WDR4: variants seen among roughly 807,000 people sequenced by gnomAD.
WDR4 encodes tRNA (guanine-N(7)-)-methyltransferase non-catalytic subunit WDR4.
A neutral mutation model predicts 48.6 loss-of-function variants in WDR4; 47 were observed. The observed-to-expected ratio is 0.97, with a 90% confidence interval of 0.77 to 1.23. WDR4 has a LOEUF of 1.23. Among genes scored for constraint, WDR4 ranks in the 50% most tolerant of loss-of-function variants. The probability of loss-of-function intolerance (pLI) is 0.00; values close to 1 mark genes in which losing one functional copy is unlikely to be tolerated. For missense variants in WDR4, 606 were observed against 551.6 expected, an observed-to-expected ratio of 1.10 and a Z score of -0.99; for synonymous variants, 268 against 230.0, an observed-to-expected ratio of 1.17 and a Z score of -1.49.
At chr21:42,852,613 G>A (rs532612489) in intron 9 of WDR4, among the ~76,000 whole-genome samples, 2 of 152,356 alleles carry the variant, frequency 1.3e-5, no homozygotes, top group Admixed American at 1.3e-4. Context: ...AAAAGAACTG[G>A]ATGGCTTAAA....
intron 10 of WDR4, among the ~76,000 whole-genome samples, chr21:42,851,334 C>T (rs2057822192): frequency 6.6e-6 from 1 of 152,210 alleles, no homozygotes; most frequent in Non-Finnish European, 1.5e-5. Context: ...CAACCCTCAA[C>T]ATCCTAAGCA....
intron 10 of WDR4, 125 bp from the exon 11 acceptor site, chr21:42,850,367 G>T: frequency 1.1e-6 from 1 of 872,682 alleles, no homozygotes; most frequent in Non-Finnish European, 1.7e-6. Context: ...ACCGTGGGGG[G>T]CGCCTTCTGG....
chr21:42,854,473 T>C (rs1005382196), intron 8 of WDR4, 89 bp downstream of exon 8: 15 of 1,352,806 alleles, frequency 1.1e-5, no homozygotes, highest in East Asian at 2.4e-5. Flanking sequence ...GACCTCTTCA[T>C]TGAGGACGTG....
chr21:42,855,857 G>A (rs1038620670), intron 6 of WDR4, 77 bp from the exon 7 acceptor site: 67 of 1,242,194 alleles, frequency 5.4e-5, no homozygotes, highest in South Asian at 1.6e-4. Flanking sequence ...GGACAGCTGC[G>A]TGTGGTCGGG....
chr21:42,846,416 G>C (rs536203433), downstream of WDR4, among the ~76,000 whole-genome samples: 25 of 152,328 alleles, frequency 1.6e-4, no homozygotes, highest in Middle Eastern at 3.4e-3. Flanking sequence ...AGGGAACATG[G>C]GCGTGGGGGC....
intron 3 of WDR4, among the ~76,000 whole-genome samples, chr21:42,872,968 CAGA>C (rs1384760858): frequency 2.0e-5 from 3 of 152,254 alleles, no homozygotes; most frequent in South Asian, 4.1e-4. Context: ...ATAGGGAAGG[CAGA>C]AGAACCTTTC....
chr21:42,856,157 G>A (rs536599929), intron 6 of WDR4, among the ~76,000 whole-genome samples: 59 of 152,306 alleles, frequency 3.9e-4, no homozygotes, highest in African/African-American at 1.3e-3. Context: ...ACAGGTCTGC[G>A]CAGACACTTC....
intron 3 of WDR4, among the ~76,000 whole-genome samples, chr21:42,864,704 C>G (rs1387652519): frequency 6.6e-6 from 1 of 152,192 alleles, no homozygotes; most frequent in Non-Finnish European, 1.5e-5. Context: ...AGTCACAGTT[C>G]GCTCCCTCTC....
intron 11 of WDR4, chr21:42,843,361 T>A (rs1369633702): frequency 6.6e-6 from 1 of 151,982 alleles, no homozygotes; most frequent in Non-Finnish European, 1.5e-5. Context: ...GGGTATTTTT[T>A]AAAGCATGAT....
rs201102595 is a variant in WDR4, at chr21:42,855,799, C to G, written c.628-19G>C. 345 of 1,529,756 alleles carry G rather than the reference C, an allele frequency of 2.3e-4. No homozygotes were observed. Among genetic ancestry groups the G allele is most frequent in the Non-Finnish European group, 3.0e-4 (338 of 1,131,790 alleles). 94.8% of individuals were successfully genotyped at this position (1,529,756 alleles called of 1,614,324 possible). On this transcript the variant is annotated intron_variant, in intron 6 of 10. Transcript: ENST00000398208. ...TGCCGTCCTGCACAAACCAAACACACAGGTTAGCACATGGTTGTGGGGCTT... is the reference window on the plus strand; with the variant it reads ...TGCCGTCCTGCACAAACCAAACACAGAGGTTAGCACATGGTTGTGGGGCTT...
At chr21:42,890,013 T>C in the WDR4 span, among the ~76,000 whole-genome samples, 1 of 150,708 alleles carries the variant, frequency 6.6e-6, no homozygotes, top group Non-Finnish European at 1.5e-5. Flanking sequence ...GCCCTGGAGT[T>C]TGAAACTGTA....
rs1426730073 is a variant in WDR4, at chr21:42,862,874, CA to C, written c.454-481del. On this transcript the variant is annotated intron_variant, in intron 4 of 10. Coordinates refer to ENST00000398208, the MANE Select transcript of WDR4 (RefSeq NM_018669.6). This position sits in a 1 kb window ranked among gnomAD's most constrained non-coding sequence, Gnocchi z 4.3. ...GACTGTCCCTGTGTGCGTCCAATCC[CA>C]GCTCCACCACCCGGGCTGTGGGCCT... Among the ~76,000 whole-genome samples, 1 of 152,220 alleles carries C rather than the reference CA, an allele frequency of 6.6e-6. No homozygotes were observed. The highest frequency in any genetic ancestry group is 2.4e-5 in the African/African-American group (1 of 41,446).
upstream of WDR4, chr21:42,883,471 T>A (rs1601200801): frequency 1.3e-5 from 2 of 153,596 alleles, no homozygotes; most frequent in South Asian, 2.1e-4. Flanking sequence ...AAAATGTATG[T>A]CCACCCCTGG....
chr21:42,853,830 G>A, intron 8 of WDR4, 78 bp from the exon 9 acceptor site: 1 of 1,448,884 alleles, frequency 6.9e-7, no homozygotes, highest in Non-Finnish European at 9.3e-7. Flanking sequence ...ACCCCAGACG[G>A]TGCAGCCCTC....
intron 6 of WDR4, among the ~76,000 whole-genome samples, chr21:42,856,190 G>A (rs1293393388): frequency 6.6e-6 from 1 of 152,140 alleles, no homozygotes; most frequent in Admixed American, 6.5e-5. Flanking sequence ...TTCCCACGGG[G>A]AGACACGTGT....
intron 5 of WDR4, among the ~76,000 whole-genome samples, chr21:42,860,084 C>T (rs1211737693): frequency 1.3e-5 from 2 of 152,188 alleles, no homozygotes; most frequent in Non-Finnish European, 2.9e-5. Flanking sequence ...GGCCCCCCAG[C>T]ACCCACCCTG....
In WDR4 at chr21:42,873,684, C is replaced by T. The variant is rs766225019; in HGVS notation, c.163G>A (p.Ala55Thr). The T allele has an allele frequency of 2.5e-6, 4 of 1,613,556 alleles. No homozygotes were observed. The South Asian group carries it at 3.3e-5, about 13-fold the overall frequency. The change falls in exon 3 of 11, where the codon GCG becomes ACG. Residue 55 changes from alanine (A) to threonine (T), a missense_variant. By Grantham distance (58) the Ala-to-Thr change is moderately conservative. Coordinates refer to ENST00000398208, the MANE Select transcript of WDR4 (RefSeq NM_018669.6). ...GCACCGCTCCCCTGGTCCAAGGGCG[C>T]GTCCTCCCTGAGGAAGAGAGGAGGA... The part of the protein sequence containing the change: ...KKSQENKGED[A>T]PLDQGSGAIL...
At chr21:42,886,645 C>T in the WDR4 span, among the ~76,000 whole-genome samples, 35 of 152,290 alleles carry the variant, frequency 2.3e-4, no homozygotes, top group Admixed American at 1.8e-3. Context: ...TGGGGAGGAG[C>T]GGGGAGCCCC....
rs956023439 is a variant in WDR4 at position 42,862,713 on chromosome 21, C to T, written c.454-319G>A. Among the ~76,000 whole-genome samples, 7 of 151,654 alleles carry T rather than the reference C, an allele frequency of 4.6e-5. No individual in the cohort carries two copies. Among genetic ancestry groups the T allele is most frequent in the Non-Finnish European group, 7.4e-5 (5 of 67,956 alleles). ...TCCAGGCCCCACGCCCATTTCCACC[C>T]GCCACAGGCCTGCTGCACCCTCCTG... On this transcript the variant is annotated intron_variant, in intron 4 of 10. Coordinates refer to ENST00000398208, the MANE Select transcript of WDR4 (RefSeq NM_018669.6). This position sits in a 1 kb window ranked among gnomAD's most constrained non-coding sequence, Gnocchi z 4.3.
Sources: gnomAD v4.1 joint callset for allele counts (sites outside exome capture counted in the v4.1 genomes callset) on GRCh38, gnomAD v4.1.1 for gene constraint, Gnocchi (gnomAD v3.1) non-coding constraint, MANE v1.5 for transcripts, NCBI Gene and HGNC (gene_info 2026-07-23, HGNC 2026-07-21) for gene names.